MAGI1: variants seen among roughly 807,000 people sequenced by gnomAD.
The protein encoded by MAGI1 is membrane associated guanylate kinase, WW and PDZ domain containing 1, also known as membrane-associated guanylate kinase, WW and PDZ domain-containing protein 1.
A neutral mutation model predicts 139.9 loss-of-function variants in MAGI1; 58 were observed. That is an observed-to-expected ratio of 0.41 (90% CI 0.34 to 0.52). The LOEUF (loss-of-function observed/expected upper bound fraction) is 0.52. Among genes scored for constraint, MAGI1 ranks in the 20% least tolerant of loss-of-function variants. The pLI is 0.12. For synonymous variants in MAGI1, 812 were observed against 737.9 expected, an observed-to-expected ratio of 1.10 and a Z score of -1.63; for missense variants, 1,874 against 1,901.6, an observed-to-expected ratio of 0.99 and a Z score of 0.27.
At chr3:65,496,974 G>A (rs1952502173) in intron 2 of MAGI1, among the ~76,000 whole-genome samples, 1 of 152,156 alleles carries the variant, frequency 6.6e-6, no homozygotes, top group South Asian at 2.1e-4. Flanking sequence ...CAAATGGGCT[G>A]TGCCATTTGC....
At chr3:65,575,830 C>G (rs1298423636) in intron 2 of MAGI1, among the ~76,000 whole-genome samples, 4 of 152,146 alleles carry the variant, frequency 2.6e-5, no homozygotes, top group African/African-American at 9.7e-5. Context: ...CACATGATTA[C>G]ATTCACATAT....
intron 1 of MAGI1, among the ~76,000 whole-genome samples, chr3:65,812,098 G>A (rs565678288): frequency 2.6e-5 from 4 of 151,988 alleles, no homozygotes; most frequent in East Asian, 1.9e-4. Context: ...GTGTCTCTCC[G>A]TAACTCAAAG....
intron 1 of MAGI1, among the ~76,000 whole-genome samples, chr3:65,661,351 A>C (rs1431869437): frequency 6.6e-6 from 1 of 152,218 alleles, no homozygotes; most frequent in East Asian, 1.9e-4. Flanking sequence ...CACCTTATTA[A>C]ACACACAAGT....
At chr3:65,661,189 G>A (rs2086171423) in intron 1 of MAGI1, among the ~76,000 whole-genome samples, 1 of 152,138 alleles carries the variant, frequency 6.6e-6, no homozygotes, top group African/African-American at 2.4e-5. Context: ...TCCCCTGGGG[G>A]TAGAATTAGC....
Position 65,878,096 on chromosome 3 carries a change from G to A in MAGI1, c.313+159900C>T, listed in dbSNP as rs1194526343. ...ACTGCACTCCAGCCTACGTGACAGA[G>A]TGAGGTTCTGTCTCAAAAAAAAAAG... On this transcript the variant is annotated intron_variant, in intron 1 of 22. Transcript: ENST00000402939. 2.0e-5 allele frequency among the ~76,000 whole-genome samples: 3 copies of A among 151,854 alleles called. 1 individual carries two copies. The highest frequency in any genetic ancestry group is 7.3e-5 in the African/African-American group (3 of 41,324).
intron 10 of MAGI1, among the ~76,000 whole-genome samples, chr3:65,436,543 T>C (rs1009382641): frequency 2.6e-5 from 4 of 152,218 alleles, no homozygotes; most frequent in African/African-American, 7.2e-5. Flanking sequence ...GCAGCAAGAA[T>C]AGGGAATGAG....
chr3:65,841,874 T>C (rs1000849470), intron 1 of MAGI1, among the ~76,000 whole-genome samples: 2 of 152,144 alleles, frequency 1.3e-5, no homozygotes, highest in Non-Finnish European at 2.9e-5. Context: ...AAAACCATAT[T>C]ACAACTGGTT....
intron 2 of MAGI1, among the ~76,000 whole-genome samples, chr3:65,575,314 A>C (rs1459764721): frequency 6.6e-6 from 1 of 152,154 alleles, no homozygotes; most frequent in Non-Finnish European, 1.5e-5. Flanking sequence ...AATAAAAATT[A>C]AAACCATAAT....
chr3:65,961,101 C>A lies in MAGI1; in HGVS notation c.313+76895G>T, dbSNP rs79552309. ...CGGAATAACCTTTGAATTTCCATGACACCATTCATCTAGGGATAAGAGGGG... is the reference window on the plus strand; with the variant it reads ...CGGAATAACCTTTGAATTTCCATGAAACCATTCATCTAGGGATAAGAGGGG... On this transcript the variant is annotated intron_variant, in intron 1 of 22. Transcript: ENST00000402939. Among the ~76,000 whole-genome samples, 1,356 of 152,308 alleles carry A rather than the reference C, an allele frequency of 8.9e-3. 23 individuals are homozygous for A. The highest frequency in any genetic ancestry group is 0.031 in the African/African-American group (1,286 of 41,558).
chr3:65,405,670 C>T (rs972756866), intron 12 of MAGI1, among the ~76,000 whole-genome samples: 4 of 152,126 alleles, frequency 2.6e-5, no homozygotes, highest in Non-Finnish European at 5.9e-5. Flanking sequence ...TCTTGCCTCA[C>T]TGCAACCTCC....
intron 10 of MAGI1, among the ~76,000 whole-genome samples, chr3:65,436,640 A>G (rs940320081): frequency 2.0e-5 from 3 of 152,188 alleles, no homozygotes; most frequent in African/African-American, 7.2e-5. Flanking sequence ...TGAAATATCT[A>G]ATGCTGAGTT....
rs144187343 is a variant in MAGI1, at chr3:65,470,400, G to A, written c.842C>T (p.Thr281Met). Reference sequence around the variant, plus strand: ...TTGAGGGAACTTCTGAGAAGGGTCCGTGATGGGAGCAGCGATGATGCTACT... The same window carrying A: ...TTGAGGGAACTTCTGAGAAGGGTCCATGATGGGAGCAGCGATGATGCTACT... ...VNSSIIAAPI[T>M]DPSQKFPQYL... Residue 281 changes from threonine to methionine, a missense_variant, in exon 5 of 23, where the codon ACG (threonine) becomes ATG (methionine). Physicochemically the swap from Thr to Met is moderately conservative, Grantham distance 81. This residue lies in a region of MAGI1 where 648 missense variants were observed against 598.1 expected (regional missense o/e 1.08). Transcript: ENST00000402939. 2.5e-6 allele frequency: 4 copies of A among 1,613,756 alleles called. No homozygotes were observed. The highest frequency in any genetic ancestry group is 1.7e-5 in the Admixed American group (1 of 59,978).
chr3:65,419,289 A>ATG (rs57720812), intron 12 of MAGI1, among the ~76,000 whole-genome samples: 95,178 of 150,712 alleles, frequency 0.63, 31,076 homozygotes, highest in East Asian at 0.96. Flanking sequence ...ATTTTATGAA[A>ATG]TGTGTGTGTG....
chr3:65,870,716 G>GA (rs112844485), intron 1 of MAGI1, among the ~76,000 whole-genome samples: 11,964 of 124,868 alleles, frequency 0.096, 1,675 homozygotes, highest in African/African-American at 0.32. Context: ...CCATTTTAGT[G>GA]AAAAAAAAAA....
At chr3:65,556,602 T>C (rs938013753) in intron 2 of MAGI1, among the ~76,000 whole-genome samples, 5 of 152,222 alleles carry the variant, frequency 3.3e-5, no homozygotes, top group African/African-American at 1.2e-4. Flanking sequence ...TCCTCCTAAA[T>C]ATATTTCATG....
chr3:65,831,272 C>G (rs11708477), intron 1 of MAGI1, among the ~76,000 whole-genome samples: 4,474 of 152,266 alleles, frequency 0.029, 105 homozygotes, highest in Middle Eastern at 0.044. Flanking sequence ...CGCTAAGAGC[C>G]TCCTCCGCTA....
chr3:65,844,814 A>G (rs1232429112), intron 1 of MAGI1, among the ~76,000 whole-genome samples: 1 of 152,142 alleles, frequency 6.6e-6, no homozygotes, highest in African/African-American at 2.4e-5. Flanking sequence ...GATACAGACT[A>G]TTACCTACCA....
intron 6 of MAGI1, among the ~76,000 whole-genome samples, chr3:65,450,297 T>A (rs1948952140): frequency 6.6e-6 from 1 of 152,026 alleles, no homozygotes; most frequent in Non-Finnish European, 1.5e-5. Context: ...TTTCTCCGAG[T>A]ACAACATAAA....
intron 1 of MAGI1, among the ~76,000 whole-genome samples, chr3:65,860,493 T>C (rs1171661561): frequency 2.0e-5 from 3 of 152,166 alleles, no homozygotes; most frequent in Non-Finnish European, 4.4e-5. Context: ...AAGCCACCGA[T>C]CCGGGCAGCC....
Sources: gnomAD v4.1 joint callset for allele counts (sites outside exome capture counted in the v4.1 genomes callset) on GRCh38, gnomAD v4.1.1 for gene constraint, gnomAD v4.1.1 regional missense constraint, MANE v1.5 for transcripts, NCBI Gene and HGNC (gene_info 2026-07-23, HGNC 2026-07-21) for gene names.